Variants in SGCD observed in about 807,000 individuals in gnomAD.
SGCD encodes the protein delta-sarcoglycan.
A neutral mutation model predicts 36.6 loss-of-function variants in SGCD; 18 were observed. The observed-to-expected ratio is 0.49, with a 90% CI of 0.34 to 0.73. The LOEUF (loss-of-function observed/expected upper bound fraction) is 0.73, where lower values mean the gene tolerates loss of function less well. Among genes scored for constraint, SGCD ranks in the 30% least tolerant of loss-of-function variants. SGCD has a pLI of 0.01. For missense variants in SGCD, 387 were observed against 346.7 expected (o/e 1.12, Z -0.92); for synonymous variants, 133 against 130.6 (o/e 1.02, Z -0.12).
chr5:156,620,392 G>A (rs1336770389), intron 6 of SGCD, among the ~76,000 whole-genome samples: 2 of 152,182 alleles, frequency 1.3e-5, no homozygotes, highest in Non-Finnish European at 2.9e-5. Context: ...TCTCAAATAA[G>A]TTATATTCTT....
chr5:156,359,270 C>G (rs557819185), intron 3 of SGCD, among the ~76,000 whole-genome samples: 2 of 152,224 alleles, frequency 1.3e-5, no homozygotes, highest in East Asian at 3.9e-4. Context: ...TCTTCATTGG[C>G]ACAAAACTGT....
At chr5:156,115,847 G>T (rs1761893975) in intron 1 of SGCD, among the ~76,000 whole-genome samples, 1 of 152,020 alleles carries the variant, frequency 6.6e-6, no homozygotes, top group African/African-American at 2.4e-5. Flanking sequence ...ATATTTCTCA[G>T]TCACCTGGAT....
intron 4 of SGCD, among the ~76,000 whole-genome samples, chr5:156,580,213 C>A (rs1415484604): frequency 6.6e-6 from 1 of 152,156 alleles, no homozygotes; most frequent in African/African-American, 2.4e-5. Flanking sequence ...GTTGAAAACT[C>A]TTTTCTTTAA....
chr5:156,198,284 G>C (rs1450125950), intron 3 of SGCD, among the ~76,000 whole-genome samples: 1 of 152,010 alleles, frequency 6.6e-6, no homozygotes, highest in East Asian at 1.9e-4. Context: ...GTAAAAACTT[G>C]GCCTTGCAAA....
chr5:156,188,564 G>C lies in SGCD; in HGVS notation c.-44+64545G>C, dbSNP rs1189019690. Among the ~76,000 whole-genome samples the C allele has an allele frequency of 2.0e-5, 3 of 152,044 alleles. No homozygotes were observed. The East Asian group carries it at 5.8e-4, about 29-fold the overall frequency. On this transcript the variant is annotated intron_variant, in intron 3 of 9. Coordinates refer to the SGCD transcript ENST00000517913. ...TCCTCAGCAGGAAGCATGTTACATG[G>C]GCCATTGGTAGTGTCTACTGTTGGG...
At chr5:155,992,145 C>A (rs1181336188) in intron 1 of SGCD, among the ~76,000 whole-genome samples, 1 of 152,140 alleles carries the variant, frequency 6.6e-6, no homozygotes, top group Non-Finnish European at 1.5e-5. Flanking sequence ...GATACTACTT[C>A]CAAATTAACA....
At chr5:156,237,996 G>A (rs563727424) in intron 3 of SGCD, among the ~76,000 whole-genome samples, 13 of 150,906 alleles carry the variant, frequency 8.6e-5, no homozygotes, top group Admixed American at 2.6e-4. Context: ...TGCCCAGGCT[G>A]TATTGCAGTG....
At chr5:156,597,513 A>T (rs1041458889) in intron 6 of SGCD, among the ~76,000 whole-genome samples, 3 of 152,224 alleles carry the variant, frequency 2.0e-5, no homozygotes, top group Admixed American at 1.3e-4. Context: ...CACGATCATA[A>T]GAACAGCCTA....
At chr5:156,204,387 G>A (rs1764221163) in intron 3 of SGCD, among the ~76,000 whole-genome samples, 1 of 151,810 alleles carries the variant, frequency 6.6e-6, no homozygotes, top group Non-Finnish European at 1.5e-5. Flanking sequence ...ATTGTTATAT[G>A]CTAAGTATGG....
intron 1 of SGCD, among the ~76,000 whole-genome samples, chr5:155,882,671 G>T (rs901362306): frequency 1.3e-5 from 2 of 152,060 alleles, no homozygotes. Context: ...CTGGGCAGTA[G>T]GTCTCAAGAG....
At chr5:155,826,721 T>A in the SGCD span, among the ~76,000 whole-genome samples, 1 of 152,244 alleles carries the variant, frequency 6.6e-6, no homozygotes, top group African/African-American at 2.4e-5. Flanking sequence ...CTCGTTTAGC[T>A]GTCTCTCCCT....
chr5:156,627,731 A>G (rs372023666), intron 6 of SGCD, among the ~76,000 whole-genome samples: 2 of 152,340 alleles, frequency 1.3e-5, no homozygotes, highest in South Asian at 4.1e-4. Flanking sequence ...GGATATTAGA[A>G]TATATAATAT....
At chr5:156,210,644 G>A (rs977660779) in intron 3 of SGCD, among the ~76,000 whole-genome samples, 4 of 151,060 alleles carry the variant, frequency 2.6e-5, no homozygotes, top group East Asian at 2.0e-4. Context: ...AGAAGTCCTG[G>A]GACTGAAAAA....
intron 2 of SGCD, among the ~76,000 whole-genome samples, chr5:156,343,360 G>A (rs1488969878): frequency 2.0e-5 from 3 of 152,174 alleles, no homozygotes; most frequent in Non-Finnish European, 4.4e-5. Context: ...AGGCAGTGGG[G>A]GTCCTGTTAT....
intron 3 of SGCD, among the ~76,000 whole-genome samples, chr5:156,368,695 A>G (rs1770234267): frequency 6.6e-6 from 1 of 152,078 alleles, no homozygotes; most frequent in Non-Finnish European, 1.5e-5. Context: ...TTAGATTCTC[A>G]CAGGAGCACA....
At chr5:155,891,873 G>A (rs1284634946) in intron 1 of SGCD, among the ~76,000 whole-genome samples, 1 of 152,098 alleles carries the variant, frequency 6.6e-6, no homozygotes, top group East Asian at 1.9e-4. Context: ...TGAAAATGTG[G>A]CAGCAGCATT....
intron 4 of SGCD, among the ~76,000 whole-genome samples, chr5:156,522,167 G>A (rs1313673636): frequency 4.6e-5 from 7 of 152,066 alleles, no homozygotes; most frequent in Non-Finnish European, 8.8e-5. Flanking sequence ...CACAGGGCAG[G>A]GAACATCACA....
At chr5:156,583,889 C>T (rs1760385044) in intron 4 of SGCD, among the ~76,000 whole-genome samples, 1 of 152,144 alleles carries the variant, frequency 6.6e-6, no homozygotes, top group African/African-American at 2.4e-5. Context: ...AGGAAACTGC[C>T]TTCCATTTGA....
chr5:155,804,773 TC>T, the SGCD span, among the ~76,000 whole-genome samples: 3 of 152,250 alleles, frequency 2.0e-5, no homozygotes, highest in Non-Finnish European at 4.4e-5. Context: ...GTGCTTTTAT[TC>T]CTCATACACA....
Sources: allele counts gnomAD v4.1 joint callset (sites outside exome capture counted in the v4.1 genomes callset), GRCh38; gene constraint gnomAD v4.1.1; transcripts MANE v1.5; gene names NCBI Gene and HGNC (gene_info 2026-07-23, HGNC 2026-07-21).